SLC39A8: variants seen among roughly 807,000 people sequenced by gnomAD.
The protein encoded by SLC39A8 is metal cation symporter ZIP8.
Under a neutral mutation model 40.4 loss-of-function variants are expected in SLC39A8, and 15 were observed. The ratio of observed to expected loss-of-function variants is 0.37; its 90% CI spans 0.25 to 0.57. The LOEUF is 0.57. Among genes scored for constraint, SLC39A8 ranks in the 20% least tolerant of loss-of-function variants. The probability of loss-of-function intolerance (pLI) is 0.75; values close to 1 mark genes in which losing one functional copy is unlikely to be tolerated. For synonymous variants in SLC39A8, 223 were observed against 221.6 expected (o/e 1.01, Z -0.06); for missense variants, 472 against 558.8 (o/e 0.84, Z 1.57).
chr4:102,337,356 C>T (rs931477051), intron 2 of SLC39A8, among the ~76,000 whole-genome samples: 6 of 151,964 alleles, frequency 3.9e-5, no homozygotes, highest in African/African-American at 1.5e-4. Context: ...CCCTGCCCCT[C>T]AATATATCCC....
intron 2 of SLC39A8, among the ~76,000 whole-genome samples, chr4:102,338,213 G>A (rs1043401572): frequency 1.6e-4 from 23 of 146,608 alleles, no homozygotes; most frequent in African/African-American, 5.3e-4. Context: ...TCGAGACGGA[G>A]TCTTACTTTG....
chr4:102,304,629 T>TTC, intron 5 of SLC39A8, 148 bp from the exon 6 acceptor site: 1 of 656,640 alleles, frequency 1.5e-6, no homozygotes, highest in Non-Finnish European at 2.4e-6. Context: ...TATATAAAAT[T>TTC]TCTCTTTTTT....
At chr4:102,272,393 C>T (rs555004993) in intron 6 of SLC39A8, among the ~76,000 whole-genome samples, 10 of 150,968 alleles carry the variant, frequency 6.6e-5, no homozygotes, top group African/African-American at 2.4e-4. Context: ...GAGCCGAGAT[C>T]GCAGTGAGCC....
In SLC39A8 at chr4:102,304,384, G is replaced by A. The variant is rs1216331427; in HGVS notation, c.773C>T (p.Ala258Val). Residue 258 changes from alanine (A) to valine (V), a missense_variant, in exon 6 of 9, where the codon GCA (alanine) becomes GTA (valine). Ala to Val is a moderately conservative substitution (Grantham distance 64). Transcript: ENST00000356736. Reference protein sequence around the residue: ...LPAINGVTCYANPAVTEANGH... With the variant: ...LPAINGVTCYVNPAVTEANGH... ...ATTAGCTTCTGTGACAGCAGGATTT[G>A]CATAGCATGTCACACCATTGATGGC... is the stretch of plus-strand genomic sequence containing the variant. The A allele has an allele frequency of 6.2e-7, 1 of 1,611,088 alleles. No individual in the cohort carries two copies. Among genetic ancestry groups the A allele is most frequent in the African/African-American group, 1.3e-5 (1 of 74,754 alleles).
chr4:102,329,273 T>A (rs1000170349), intron 2 of SLC39A8, among the ~76,000 whole-genome samples: 17 of 152,128 alleles, frequency 1.1e-4, no homozygotes, highest in African/African-American at 2.4e-5. Flanking sequence ...TAGAGTTTAT[T>A]TTCACAATAA....
At chr4:102,315,014 C>T (rs1298206403) in intron 3 of SLC39A8, among the ~76,000 whole-genome samples, 3 of 152,096 alleles carry the variant, frequency 2.0e-5, no homozygotes, top group Non-Finnish European at 1.5e-5. Flanking sequence ...CAAACAGACT[C>T]CCTGAACAAT....
intron 6 of SLC39A8, among the ~76,000 whole-genome samples, chr4:102,269,529 T>G (rs879132234): frequency 7.2e-5 from 11 of 152,256 alleles, no homozygotes; most frequent in Admixed American, 1.3e-4. Context: ...TGCTAGGCAC[T>G]GTTCTAAGCA....
intron 8 of SLC39A8, among the ~76,000 whole-genome samples, chr4:102,264,447 G>C (rs1732006168): frequency 6.6e-6 from 1 of 152,298 alleles, no homozygotes; most frequent in Admixed American, 6.5e-5. Flanking sequence ...TATCATCCAG[G>C]CTGTGTTGTT....
intron 2 of SLC39A8, among the ~76,000 whole-genome samples, chr4:102,316,134 C>A (rs1734646323): frequency 6.6e-6 from 1 of 152,042 alleles, no homozygotes; most frequent in African/African-American, 2.4e-5. Context: ...GCACCAACAC[C>A]ATTCAAACAA....
At chr4:102,300,985 A>G (rs1733900986) in intron 6 of SLC39A8, among the ~76,000 whole-genome samples, 1 of 151,996 alleles carries the variant, frequency 6.6e-6, no homozygotes, top group Non-Finnish European at 1.5e-5. Flanking sequence ...TTGAGACTAT[A>G]CCTTCAACCA....
intron 2 of SLC39A8, among the ~76,000 whole-genome samples, chr4:102,343,659 T>C (rs749365829): frequency 1.3e-5 from 2 of 152,206 alleles, no homozygotes; most frequent in Non-Finnish European, 2.9e-5. Context: ...GTATTTATTA[T>C]AGAAATAATT....
At chr4:102,270,909 A>G (rs993309895) in intron 6 of SLC39A8, among the ~76,000 whole-genome samples, 3 of 152,160 alleles carry the variant, frequency 2.0e-5, no homozygotes, top group Non-Finnish European at 2.9e-5. Context: ...GTACTTAGAA[A>G]TTAAAATGGA....
Position 102,262,477 on chromosome 4 carries a change from A to G in SLC39A8, c.*567T>C. On this transcript the variant is annotated 3_prime_UTR_variant, in exon 9 of 9. Coordinates refer to ENST00000356736, the MANE Select transcript of SLC39A8 (RefSeq NM_001135146.2). ...GAATGGTTTTCAAAATAATACTGCA[A>G]GTTCCTAATTGAAATACAAAACAGA... is the stretch of plus-strand genomic sequence containing the variant. 1 of 985,268 alleles carries G rather than the reference A, an allele frequency of 1.0e-6. No homozygotes were observed. Among genetic ancestry groups the G allele is most frequent in the South Asian group, 4.7e-5 (1 of 21,274 alleles). 61.0% of individuals were successfully genotyped at this position (985,268 alleles called of 1,614,324 possible). A position where few individuals can be genotyped will look rare whatever the true frequency, so the allele number is the denominator to read the frequency against.
chr4:102,333,475 T>G (rs1213702246), intron 2 of SLC39A8, among the ~76,000 whole-genome samples: 1 of 152,140 alleles, frequency 6.6e-6, no homozygotes, highest in Admixed American at 6.5e-5. Flanking sequence ...GCATTTGATA[T>G]GGGAAGGGGA....
At chr4:102,258,751 A>G (rs1009291709), downstream of SLC39A8, among the ~76,000 whole-genome samples, 1 of 152,168 alleles carries the variant, frequency 6.6e-6, no homozygotes, top group African/African-American at 2.4e-5. Context: ...TTTCTTTTAT[A>G]GACACTTTTG....
chr4:102,304,477 C>G lies in SLC39A8; in HGVS notation c.680G>C (p.Gly227Ala). 6.2e-7 allele frequency: 1 copy of G among 1,609,008 alleles called. No individual in the cohort carries two copies. The highest frequency in any genetic ancestry group is 8.5e-7 in the Non-Finnish European group (1 of 1,177,072). ...GTTATCATTTCCAAAGTGGGTATGA[C>G]CATTCTATATGGGAACAAAAACCAA... ...KMLLKTYGQNGHTHFGNDNFG... is the reference protein window; with the variant it reads ...KMLLKTYGQNAHTHFGNDNFG... The change falls in exon 6 of 9, where the codon GGT (glycine) becomes GCT (alanine). Residue 227 changes from glycine (G) to alanine (A), a missense_variant. By Grantham distance (60) the Gly-to-Ala change is moderately conservative. This residue lies in a region of SLC39A8 where 239 missense variants were observed against 317.9 expected (regional missense o/e 0.75). Coordinates refer to ENST00000356736, the MANE Select transcript of SLC39A8 (RefSeq NM_001135146.2).
At chr4:102,331,207 T>C (rs1255968878) in intron 2 of SLC39A8, among the ~76,000 whole-genome samples, 1 of 152,172 alleles carries the variant, frequency 6.6e-6, no homozygotes, top group Non-Finnish European at 1.5e-5. Context: ...ATGAAGGGTA[T>C]TCAAACAGGA....
chr4:102,333,444 T>C (rs1460995928), intron 2 of SLC39A8, among the ~76,000 whole-genome samples: 1 of 152,160 alleles, frequency 6.6e-6, no homozygotes, highest in South Asian at 2.1e-4. Flanking sequence ...TATTTATAAG[T>C]TATTATGACA....
At chr4:102,337,980 G>A (rs1735749679) in intron 2 of SLC39A8, among the ~76,000 whole-genome samples, 1 of 151,978 alleles carries the variant, frequency 6.6e-6, no homozygotes, top group Non-Finnish European at 1.5e-5. Context: ...AACCAAACCA[G>A]ATAAGCCAAA....
Sources: gnomAD v4.1 joint callset for allele counts (sites outside exome capture counted in the v4.1 genomes callset) on GRCh38, gnomAD v4.1.1 for gene constraint, gnomAD v4.1.1 regional missense constraint, MANE v1.5 for transcripts, NCBI Gene and HGNC (gene_info 2026-07-23, HGNC 2026-07-21) for gene names.